Variants in TMPRSS9 observed in about 807,000 individuals in gnomAD.
TMPRSS9 encodes the protein transmembrane protease serine 9.
TMPRSS9 carries 113 observed loss-of-function variants against 111.4 expected under a neutral mutation model. That is an observed-to-expected ratio of 1.01 (90% CI 0.87 to 1.19). The LOEUF (loss-of-function observed/expected upper bound fraction) is 1.19. Among genes scored for constraint, TMPRSS9 ranks in the 50% most tolerant of loss-of-function variants. The probability of loss-of-function intolerance (pLI) is 0.00; values close to 1 mark genes in which losing one functional copy is unlikely to be tolerated. For synonymous variants in TMPRSS9, 805 were observed against 659.1 expected (o/e 1.22, Z -3.39); for missense variants, 1,803 against 1,513.1 (o/e 1.19, Z -3.18).
chr19:2,414,934 C>T (rs12978626), intron 10 of TMPRSS9, among the ~76,000 whole-genome samples: 17,313 of 145,992 alleles, frequency 0.12, 1,836 homozygotes, highest in East Asian at 0.34. Context: ...CTGTTAGTTG[C>T]ATTCCTATTT....
intron 1 of TMPRSS9, among the ~76,000 whole-genome samples, chr19:2,391,778 C>G (rs9676415): frequency 0.54 from 78,917 of 145,734 alleles, 22,259 homozygotes; most frequent in Middle Eastern, 0.68. Flanking sequence ...CACTCTGTCT[C>G]CCAGGCGCGA....
At chr19:2,399,152 C>G in exon 4 of TMPRSS9, 2 of 1,612,032 alleles carry the variant, frequency 1.2e-6, no homozygotes, top group Non-Finnish European at 1.7e-6. Flanking sequence ...CACGGCATCT[C>G]CCTGGCTGCC....
chr19:2,409,139 A>AT lies in TMPRSS9; in HGVS notation c.1117+527dup, dbSNP rs534247160. Among the ~76,000 whole-genome samples the AT allele has an allele frequency of 5.9e-3, 772 of 131,264 alleles. 9 individuals are homozygous for AT. Among genetic ancestry groups the AT allele is most frequent in the African/African-American group, 0.013 (452 of 35,070 alleles). 86.1% of individuals were successfully genotyped at this position (131,264 alleles called of 152,430 possible). On this transcript the variant is annotated intron_variant, in intron 8 of 17. Transcript: ENST00000648592. ...ATAACCCATCATCGATGCTACTGCG[A>AT]TTTTTTTTTTTTTTTTTTGAGATGG...
Position 2,401,083 on chromosome 19 carries a change from G to A in TMPRSS9, c.515-892G>A, listed in dbSNP as rs551083462. On this transcript the variant is annotated intron_variant, in intron 4 of 17. Transcript: ENST00000648592. ...AGGTCAGGAGATCGAGACCATCCTG[G>A]CTAACACGGTGAAACCCCGTCTCTA... Among the ~76,000 whole-genome samples, 8 of 150,464 alleles carry A rather than the reference G, an allele frequency of 5.3e-5. No homozygotes were observed. In the East Asian group the frequency reaches 9.7e-4, roughly 18 times the overall value.
chr19:2,360,424 A>G (rs1169390036), intron 1 of TMPRSS9, among the ~76,000 whole-genome samples, 64 bp downstream of exon 1: 1 of 151,924 alleles, frequency 6.6e-6, no homozygotes, highest in African/African-American at 2.4e-5. Context: ...CTCCAACCCC[A>G]TTCGCCAAGC....
At chr19:2,422,155 C>T in exon 14 of TMPRSS9, 1 of 1,586,948 alleles carries the variant, frequency 6.3e-7, no homozygotes, top group Non-Finnish European at 8.6e-7. Flanking sequence ...GGCCAACCTG[C>T]CAACTCAACC....
intron 1 of TMPRSS9, among the ~76,000 whole-genome samples, chr19:2,392,146 C>T (rs538313589): frequency 2.0e-5 from 3 of 151,636 alleles, no homozygotes; most frequent in Non-Finnish European, 4.4e-5. Flanking sequence ...CTCAGGAGTT[C>T]GAGACCAACC....
At chr19:2,423,573 T>C (rs1971516559) in intron 14 of TMPRSS9, among the ~76,000 whole-genome samples, 1 of 152,032 alleles carries the variant, frequency 6.6e-6, no homozygotes, top group South Asian at 2.1e-4. Flanking sequence ...CAGGTGGGTA[T>C]GGGACCCCCT....
At chr19:2,368,903 G>C (rs558254115) in intron 1 of TMPRSS9, among the ~76,000 whole-genome samples, 1 of 147,708 alleles carries the variant, frequency 6.8e-6, no homozygotes, top group Non-Finnish European at 1.5e-5. Flanking sequence ...TCCTGCCTCA[G>C]CCTCCTGAGT....
At chr19:2,414,574 C>T (rs973910971) in intron 10 of TMPRSS9, among the ~76,000 whole-genome samples, 2 of 151,462 alleles carry the variant, frequency 1.3e-5, no homozygotes, top group African/African-American at 4.9e-5. Context: ...ATAGTTTGTA[C>T]CCAGACAACT....
Position 2,416,727 on chromosome 19 carries a change from C to G in TMPRSS9, c.1935C>G (p.Val645=), listed in dbSNP as rs543747186. 4.3e-6 allele frequency: 7 copies of G among 1,613,186 alleles called. No homozygotes were observed. The African/African-American group carries it at 8.0e-5, about 18-fold the overall frequency. Residue 645 remains valine, a synonymous_variant, in exon 12 of 18, where the codon GTC becomes GTG. Coordinates refer to ENST00000648592, the Ensembl canonical transcript of TMPRSS9. ...CCTTCAACAAATACATCCAGCCTGT[C>G]TGCCTGCCCCTGGCCATCCAGAAGT...
At chr19:2,414,514 A>G (rs1244064501) in intron 10 of TMPRSS9, among the ~76,000 whole-genome samples, 1 of 152,082 alleles carries the variant, frequency 6.6e-6, no homozygotes, top group East Asian at 1.9e-4. Context: ...CTGGGATGAC[A>G]GGTGTGAGCC....
At chr19:2,417,934 T>A (rs559770122) in intron 12 of TMPRSS9, 68 bp from the exon 14 acceptor site, 1 of 1,591,992 alleles carries the variant, frequency 6.3e-7, no homozygotes, top group African/African-American at 1.3e-5. Flanking sequence ...GGGGCTGTTA[T>A]CGGAGCGGAA....
In TMPRSS9 at chr19:2,408,585, A is replaced by T; in HGVS notation, c.1072A>T (p.Lys358Ter). The T allele has an allele frequency of 1.2e-6, 2 of 1,613,414 alleles. No homozygotes were observed. Among genetic ancestry groups the T allele is most frequent in the Non-Finnish European group, 1.7e-6 (2 of 1,179,966 alleles). ...TGCCACACACATCTTCCCACCCAGC[A>T]AGAAGTGCCTGATCTCAGGCTGGGG... Residue 358 changes from lysine (K) to a stop codon, truncating the protein, a stop_gained, in exon 8 of 18, where the codon AAG (lysine) becomes TAG (stop). Coordinates refer to ENST00000648592, the Ensembl canonical transcript of TMPRSS9. LOFTEE classifies it high-confidence loss of function.
At position 2,396,531 on chromosome 19, in the gene TMPRSS9, G is replaced by A. The variant is rs368877841; in HGVS notation, c.143-8G>A. 35 of 1,595,896 alleles carry A rather than the reference G, an allele frequency of 2.2e-5. No individual in the cohort carries two copies. Among genetic ancestry groups the A allele is most frequent in the Non-Finnish European group, 2.6e-5 (30 of 1,170,002 alleles). On this transcript the variant is annotated splice_region_variant and splice_polypyrimidine_tract_variant and intron_variant, in intron 1 of 17. Coordinates refer to ENST00000648592, the Ensembl canonical transcript of TMPRSS9. Reference sequence around the variant, plus strand: ...GGGCTCTCTCACGGGCCCTGGTCTCGTCCCCAGCCTTCCTCTCTACACAGG... The same window carrying A: ...GGGCTCTCTCACGGGCCCTGGTCTCATCCCCAGCCTTCCTCTCTACACAGG...
chr19:2,400,596 G>A (rs1970814507), intron 4 of TMPRSS9, among the ~76,000 whole-genome samples: 2 of 151,938 alleles, frequency 1.3e-5, no homozygotes, highest in African/African-American at 2.4e-5. Context: ...GATTTTGTAT[G>A]CACCTGGTTT....
At chr19:2,416,803 G>A (rs2145383105) in exon 12 of TMPRSS9, 1 of 1,608,162 alleles carries the variant, frequency 6.2e-7, no homozygotes, top group South Asian at 1.1e-5. Context: ...TACGCAGGAA[G>A]GAAATGGTGA....
At chr19:2,417,295 G>C (rs180889969) in intron 12 of TMPRSS9, among the ~76,000 whole-genome samples, 1 of 151,924 alleles carries the variant, frequency 6.6e-6, no homozygotes, top group South Asian at 2.1e-4. Flanking sequence ...GTGAAACCCC[G>C]TCTCTACTAG....
chr19:2,394,132 G>T (rs1348111968), intron 1 of TMPRSS9, among the ~76,000 whole-genome samples: 1 of 152,038 alleles, frequency 6.6e-6, no homozygotes, highest in African/African-American at 2.4e-5. Flanking sequence ...GGACCCAGGA[G>T]GCAGAGGTTG....
Sources: gnomAD v4.1 joint callset for allele counts (sites outside exome capture counted in the v4.1 genomes callset) on GRCh38, gnomAD v4.1.1 for gene constraint, MANE v1.5 for transcripts, NCBI Gene and HGNC (gene_info 2026-07-23, HGNC 2026-07-21) for gene names.